SMOC1: variants seen among roughly 807,000 people sequenced by gnomAD.
SMOC1 encodes SPARC-related modular calcium-binding protein 1.
A neutral mutation model predicts 56.3 loss-of-function variants in SMOC1; 22 were observed. The ratio of observed to expected loss-of-function variants is 0.39; its 90% CI spans 0.28 to 0.56. SMOC1 has a LOEUF of 0.56. Among genes scored for constraint, SMOC1 ranks in the 20% least tolerant of loss-of-function variants. SMOC1 has a pLI of 0.61. For synonymous variants in SMOC1, 193 were observed against 215.0 expected, an observed-to-expected ratio of 0.90 and a Z score of 0.89; for missense variants, 509 against 565.4, an observed-to-expected ratio of 0.90 and a Z score of 1.01.
chr14:69,950,753 A>C (rs982928573), intron 1 of SMOC1, among the ~76,000 whole-genome samples: 2 of 152,182 alleles, frequency 1.3e-5, no homozygotes, highest in Non-Finnish European at 2.9e-5. Flanking sequence ...ATTGTTCTCC[A>C]ACTGTATTCT....
At chr14:69,983,054 C>G (rs1884238105) in intron 5 of SMOC1, among the ~76,000 whole-genome samples, 1 of 152,202 alleles carries the variant, frequency 6.6e-6, no homozygotes, top group Non-Finnish European at 1.5e-5. Context: ...TGTACCATGT[C>G]TCCCTCCTTC....
chr14:70,030,336 C>T lies in SMOC1; in HGVS notation c.*78C>T. ...CCAGACACCTAACCTTCAGCGTTGC[C>T]CATGGCCCTGCCACATCCCGTGTAA... is the stretch of plus-strand genomic sequence containing the variant. On this transcript the variant is annotated 3_prime_UTR_variant, in exon 12 of 12. Coordinates refer to ENST00000361956, the MANE Select transcript of SMOC1 (RefSeq NM_001034852.3). 2 of 1,574,252 alleles carry T rather than the reference C, an allele frequency of 1.3e-6. No individual in the cohort carries two copies. The highest frequency in any genetic ancestry group is 2.3e-5 in the South Asian group (2 of 87,516).
intron 7 of SMOC1, among the ~76,000 whole-genome samples, chr14:70,007,291 C>CA (rs1409612996): frequency 1.3e-5 from 2 of 152,050 alleles, no homozygotes; most frequent in African/African-American, 4.8e-5. Flanking sequence ...AGTTAATACA[C>CA]ATAGTGCACC....
At chr14:69,915,402 G>A (rs925145217) in intron 1 of SMOC1, among the ~76,000 whole-genome samples, 3 of 152,064 alleles carry the variant, frequency 2.0e-5, no homozygotes, top group African/African-American at 4.8e-5. Flanking sequence ...GTCGTATCTC[G>A]TACTTACTCA....
chr14:70,013,638 C>A, intron 10 of SMOC1, 147 bp downstream of exon 10: 1 of 722,120 alleles, frequency 1.4e-6, no homozygotes, highest in Non-Finnish European at 2.4e-6. Flanking sequence ...GTACCCATAG[C>A]TTTGACCCGC....
chr14:69,896,841 C>T (rs1465584468), intron 1 of SMOC1, among the ~76,000 whole-genome samples: 1 of 152,208 alleles, frequency 6.6e-6, no homozygotes, highest in Non-Finnish European at 1.5e-5. Context: ...AGTCTCTTTT[C>T]GTTTTTCCCT....
rs548277812 is a variant in SMOC1 at position 69,992,669 on chromosome 14, T to C, written c.583+196T>C. On this transcript the variant is annotated intron_variant, in intron 6 of 11. Transcript: ENST00000361956. Reference sequence around the variant, plus strand: ...TCCCAGGAATTGGTACACTCTCCACTTCTGGAAGGGCCCTCTGTTCTCTCA... The same window carrying C: ...TCCCAGGAATTGGTACACTCTCCACCTCTGGAAGGGCCCTCTGTTCTCTCA... Among the ~76,000 whole-genome samples, 3 of 152,382 alleles carry C rather than the reference T, an allele frequency of 2.0e-5. No individual in the cohort carries two copies. The East Asian group carries it at 5.8e-4, about 29-fold the overall frequency.
intron 1 of SMOC1, among the ~76,000 whole-genome samples, chr14:69,944,624 G>A (rs558671069): frequency 5.9e-5 from 9 of 152,126 alleles, no homozygotes; most frequent in East Asian, 3.8e-4. Context: ...AAGTGCATGC[G>A]TATGGTAGCT....
At chr14:70,023,829 ATG>A (rs57688603) in intron 11 of SMOC1, among the ~76,000 whole-genome samples, 15,441 of 144,206 alleles carry the variant, frequency 0.11, 871 homozygotes, top group Non-Finnish European at 0.15. Context: ...GAGTGTGTGT[ATG>A]TGTGTGTGTG....
At chr14:69,968,695 C>T (rs1459608106) in intron 3 of SMOC1, among the ~76,000 whole-genome samples, 3 of 151,512 alleles carry the variant, frequency 2.0e-5, no homozygotes, top group African/African-American at 7.3e-5. Context: ...GTCTCATACT[C>T]TCACTGCCAA....
chr14:70,027,927 T>G (rs1885992644), intron 11 of SMOC1, among the ~76,000 whole-genome samples: 1 of 152,080 alleles, frequency 6.6e-6, no homozygotes, highest in Non-Finnish European at 1.5e-5. Context: ...GCCCCTGTGG[T>G]CAATGGTGTG....
At chr14:70,011,653 T>G in intron 9 of SMOC1, 86 bp downstream of exon 9, 1 of 1,295,504 alleles carries the variant, frequency 7.7e-7, no homozygotes, top group East Asian at 2.3e-5. Flanking sequence ...GTCTCCTCTT[T>G]GTCTGTTTCC....
At chr14:69,955,049 G>A (rs566137948) in intron 3 of SMOC1, among the ~76,000 whole-genome samples, 1 of 152,296 alleles carries the variant, frequency 6.6e-6, no homozygotes, top group East Asian at 1.9e-4. Context: ...TGCCGACCCT[G>A]GGAGAGGTGC....
intron 1 of SMOC1, among the ~76,000 whole-genome samples, chr14:69,941,234 G>A (rs61980654): frequency 0.047 from 7,233 of 152,296 alleles, 224 homozygotes; most frequent in Non-Finnish European, 0.073. Context: ...CCATAAGACA[G>A]TGATAGGATT....
At chr14:69,941,978 A>G (rs945552549) in intron 1 of SMOC1, among the ~76,000 whole-genome samples, 1 of 152,224 alleles carries the variant, frequency 6.6e-6, no homozygotes, top group African/African-American at 2.4e-5. Flanking sequence ...GCCCTGAAGC[A>G]TAATAGGTGC....
At chr14:69,941,003 G>A (rs368300135) in intron 1 of SMOC1, among the ~76,000 whole-genome samples, 107 of 152,312 alleles carry the variant, frequency 7.0e-4, no homozygotes, top group African/African-American at 2.5e-3. Context: ...AAGGTTTGAT[G>A]CCCTGTCGGT....
At chr14:70,010,374 C>T (rs1885294134) in intron 7 of SMOC1, among the ~76,000 whole-genome samples, 1 of 152,240 alleles carries the variant, frequency 6.6e-6, no homozygotes, top group South Asian at 2.1e-4. Flanking sequence ...GCACCCACCT[C>T]TCCTGCAGTC....
At chr14:69,926,368 G>T (rs983019465) in intron 1 of SMOC1, among the ~76,000 whole-genome samples, 4 of 152,230 alleles carry the variant, frequency 2.6e-5, no homozygotes, top group African/African-American at 7.2e-5. Context: ...GGACCAGGGA[G>T]GAGTAAGCCT....
intron 1 of SMOC1, among the ~76,000 whole-genome samples, chr14:69,911,635 A>T (rs1325300679): frequency 6.6e-6 from 1 of 152,230 alleles, no homozygotes; most frequent in Non-Finnish European, 1.5e-5. Context: ...GGCTGCTTTC[A>T]TGTACTATAA....
Sources: allele counts gnomAD v4.1 joint callset (sites outside exome capture counted in the v4.1 genomes callset), GRCh38; gene constraint gnomAD v4.1.1; transcripts MANE v1.5; gene names NCBI Gene and HGNC (gene_info 2026-07-23, HGNC 2026-07-21).